The following SUPT3H variants were observed in gnomAD, a reference collection of about 807,000 sequenced individuals.
SUPT3H encodes the protein transcription initiation protein SPT3 homolog.
In SUPT3H, 44 loss-of-function variants were observed where a neutral mutation model predicts 44.3. That is an observed-to-expected ratio of 0.99 (90% CI 0.78 to 1.28). SUPT3H has a LOEUF of 1.28. Ranked by LOEUF, SUPT3H falls within the 50% of genes most tolerant of loss-of-function variation. The probability of loss-of-function intolerance (pLI) is 0.00; values close to 1 mark genes in which losing one functional copy is unlikely to be tolerated. For missense variants in SUPT3H, 380 were observed against 387.1 expected (o/e 0.98, Z 0.15); for synonymous variants, 124 against 125.6 (o/e 0.99, Z 0.09).
At chr6:44,920,647 T>C (rs1047952148) in intron 10 of SUPT3H, among the ~76,000 whole-genome samples, 2 of 152,108 alleles carry the variant, frequency 1.3e-5, no homozygotes, top group Admixed American at 6.5e-5. Flanking sequence ...ACACTATTAT[T>C]TGTGGGAAAT....
intron 2 of SUPT3H, among the ~76,000 whole-genome samples, chr6:45,258,618 A>G (rs1773806365): frequency 6.6e-6 from 1 of 152,252 alleles, no homozygotes; most frequent in African/African-American, 2.4e-5. Flanking sequence ...ATTACAAGTC[A>G]GTCAGTAAAA....
At chr6:44,851,877 G>T (rs12202704) in intron 10 of SUPT3H, among the ~76,000 whole-genome samples, 30,444 of 152,062 alleles carry the variant, frequency 0.2, 3,826 homozygotes, top group Non-Finnish European at 0.29. Context: ...GTTTCTATGG[G>T]AAAATCGAAA....
intron 2 of SUPT3H, among the ~76,000 whole-genome samples, chr6:45,130,700 A>C (rs1803309147): frequency 2.2e-5 from 3 of 134,694 alleles, no homozygotes; most frequent in South Asian, 2.3e-4. Flanking sequence ...AAAAAAACAA[A>C]AAAAAAAACC....
intron 2 of SUPT3H, among the ~76,000 whole-genome samples, chr6:45,269,836 T>C (rs1775838805): frequency 6.6e-6 from 1 of 152,206 alleles, no homozygotes; most frequent in South Asian, 2.1e-4. Context: ...CAGTTTTTAG[T>C]ATATTCATAG....
rs1311544897 is a variant in SUPT3H, at chr6:45,308,741, CA to C, written c.101+56459del. The stretch of plus-strand genomic sequence containing the variant: ...ATGTACCCTAGAACTTAAAGTATAA[CA>C]AAAAAAATAAATTTAAAAAAAAAAA... On this transcript the variant is annotated intron_variant, in intron 2 of 10. Transcript: ENST00000371459. Among the ~76,000 whole-genome samples, 5 of 71,666 alleles carry C rather than the reference CA, an allele frequency of 7.0e-5. 1 individual carries two copies. The South Asian group carries it at 2.7e-3, about 39-fold the overall frequency. 47.0% of individuals were successfully genotyped at this position (71,666 alleles called of 152,430 possible).
At chr6:44,903,282 A>AG (rs1196007541) in intron 10 of SUPT3H, among the ~76,000 whole-genome samples, 1 of 152,218 alleles carries the variant, frequency 6.6e-6, no homozygotes, top group Non-Finnish European at 1.5e-5. Flanking sequence ...ATAGACCGCT[A>AG]GCAAGACTAA....
intron 10 of SUPT3H, among the ~76,000 whole-genome samples, chr6:44,886,027 T>C (rs1169016108): frequency 1.3e-5 from 2 of 151,880 alleles, no homozygotes; most frequent in Non-Finnish European, 2.9e-5. Context: ...TGATGGAAGA[T>C]GAAATGAATG....
At chr6:44,842,914 A>G (rs1771223251) in intron 10 of SUPT3H, among the ~76,000 whole-genome samples, 1 of 152,034 alleles carries the variant, frequency 6.6e-6, no homozygotes, top group Non-Finnish European at 1.5e-5. Context: ...AATGAAAAAG[A>G]CCCACGTCTA....
intron 2 of SUPT3H, among the ~76,000 whole-genome samples, chr6:45,274,488 G>A (rs1285689808): frequency 2.6e-5 from 4 of 152,018 alleles, no homozygotes; most frequent in Non-Finnish European, 2.9e-5. Context: ...ATCTATGTAC[G>A]GCATGAAGAA....
intron 7 of SUPT3H, among the ~76,000 whole-genome samples, chr6:44,956,680 T>C (rs1351913292): frequency 6.6e-6 from 1 of 152,028 alleles, no homozygotes; most frequent in African/African-American, 2.4e-5. Flanking sequence ...CTTTAAGATA[T>C]TTCCCTATTA....
chr6:44,986,649 T>G (rs148617145), intron 6 of SUPT3H, among the ~76,000 whole-genome samples: 32 of 152,074 alleles, frequency 2.1e-4, no homozygotes, highest in African/African-American at 5.3e-4. Context: ...TTAAAGTAAT[T>G]AAAGGTGGTT....
intron 1 of SUPT3H, among the ~76,000 whole-genome samples, chr6:45,366,602 C>CT (rs1362788538): frequency 6.6e-6 from 1 of 152,026 alleles, no homozygotes; most frequent in African/African-American, 2.4e-5. Context: ...ATGTATTACC[C>CT]TTTTTTTCAC....
At chr6:45,268,272 C>G (rs1373660224) in intron 2 of SUPT3H, among the ~76,000 whole-genome samples, 1 of 152,012 alleles carries the variant, frequency 6.6e-6, no homozygotes, top group African/African-American at 2.4e-5. Flanking sequence ...AAAAGGGGTG[C>G]GTGTGGAACT....
chr6:44,815,253 T>C (rs1581802942), intron 11 of SUPT3H, among the ~76,000 whole-genome samples: 1 of 152,140 alleles, frequency 6.6e-6, no homozygotes, highest in African/African-American at 2.4e-5. Flanking sequence ...AAAGAACAAG[T>C]TAAAGAGTTA....
At chr6:45,131,929 G>T (rs576322328) in intron 2 of SUPT3H, among the ~76,000 whole-genome samples, 2 of 152,132 alleles carry the variant, frequency 1.3e-5, no homozygotes, top group South Asian at 2.1e-4. Context: ...CCTGAAACTG[G>T]GTAGTACGGA....
At chr6:44,901,751 A>T (rs2153448505) in intron 10 of SUPT3H, among the ~76,000 whole-genome samples, 1 of 152,048 alleles carries the variant, frequency 6.6e-6, no homozygotes, top group Admixed American at 6.5e-5. Context: ...ATGAAGGAAA[A>T]AATGTTAAGG....
At chr6:45,376,941 T>C (rs1796873099) in intron 1 of SUPT3H, among the ~76,000 whole-genome samples, 1 of 151,580 alleles carries the variant, frequency 6.6e-6, no homozygotes, top group Admixed American at 6.6e-5. Context: ...CGAAATAACT[T>C]AACATTTCTA....
chr6:44,915,353 C>T (rs1488359020), intron 10 of SUPT3H, among the ~76,000 whole-genome samples: 1 of 152,180 alleles, frequency 6.6e-6, no homozygotes, highest in East Asian at 1.9e-4. Context: ...AAACTGTATA[C>T]ATTCTCATCT....
chr6:45,276,469 A>G (rs1418039363), intron 2 of SUPT3H, among the ~76,000 whole-genome samples: 1 of 152,148 alleles, frequency 6.6e-6, no homozygotes, highest in Non-Finnish European at 1.5e-5. Context: ...GATTACAATA[A>G]TGGCCCCAAT....
Sources: gnomAD v4.1 joint callset for allele counts (sites outside exome capture counted in the v4.1 genomes callset) on GRCh38, gnomAD v4.1.1 for gene constraint, MANE v1.5 for transcripts, NCBI Gene and HGNC (gene_info 2026-07-23, HGNC 2026-07-21) for gene names.